Variants in CR1L observed in about 807,000 individuals in gnomAD.
CR1L encodes complement C3b/C4b receptor 1 like, also known as complement component receptor 1-like protein.
In CR1L, 59 loss-of-function variants were observed where a neutral mutation model predicts 62.3. That is an observed-to-expected ratio of 0.95 (90% confidence interval 0.77 to 1.18). The LOEUF is 1.18. CR1L is among the 50% of genes most tolerant of loss of function. The pLI is 0.00. For missense variants in CR1L, 700 were observed against 702.8 expected (o/e 1.00, Z 0.04); for synonymous variants, 279 against 248.7 (o/e 1.12, Z -1.15).
intron 4 of CR1L, among the ~76,000 whole-genome samples, chr1:207,693,180 C>T (rs1469661634): frequency 4.6e-5 from 7 of 152,154 alleles, no homozygotes; most frequent in Non-Finnish European, 5.9e-5. Flanking sequence ...TGCAGTGGCG[C>T]GATCTCGGCT....
At chr1:207,656,879 C>G (rs1453243375) in intron 1 of CR1L, among the ~76,000 whole-genome samples, 1 of 152,120 alleles carries the variant, frequency 6.6e-6, no homozygotes, top group Non-Finnish European at 1.5e-5. Context: ...GGACACAGAT[C>G]CAAACCATAT....
chr1:207,665,651 C>A (rs1037194335), intron 1 of CR1L, among the ~76,000 whole-genome samples: 5 of 152,122 alleles, frequency 3.3e-5, no homozygotes, highest in Non-Finnish European at 5.9e-5. Flanking sequence ...CCTCAGCCTC[C>A]AAAAATGCTG....
intron 10 of CR1L, 49 bp downstream of exon 10, chr1:207,708,312 T>A (rs758840354): frequency 6.3e-7 from 1 of 1,595,582 alleles, no homozygotes; most frequent in Non-Finnish European, 8.6e-7. Flanking sequence ...AACCCTAGAG[T>A]TGTCCTCCTA....
chr1:207,652,960 A>G (rs1414640610), intron 1 of CR1L: 1 of 273,100 alleles, frequency 3.7e-6, no homozygotes, highest in Non-Finnish European at 7.0e-6. Context: ...TGCCCTTATA[A>G]TAGGTAAAGA....
At chr1:207,704,605 C>G (rs947991638) in intron 9 of CR1L, among the ~76,000 whole-genome samples, 21 of 152,192 alleles carry the variant, frequency 1.4e-4, no homozygotes, top group Non-Finnish European at 2.9e-4. Context: ...CACAGCCACC[C>G]CAGCTTTCAG....
intron 11 of CR1L, among the ~76,000 whole-genome samples, chr1:207,719,276 T>TA (rs56207700): frequency 0.39 from 54,685 of 138,712 alleles, 10,859 homozygotes; most frequent in Admixed American, 0.51. Context: ...AAAAAAACAT[T>TA]AAAAAAAAAA....
rs374733263 is a variant in CR1L at position 207,648,223 on chromosome 1, AG to A, written c.97+2894del. 7.0e-3 allele frequency among the ~76,000 whole-genome samples: 906 copies of A among 129,020 alleles called. 5 individuals are homozygous for A. Among genetic ancestry groups the A allele is most frequent in the African/African-American group, 0.015 (456 of 30,306 alleles). The allele number at this position is 129,020 out of a possible 152,430, so 84.6% of individuals were successfully genotyped here. ...CACACACAGACACACACACACACAC[AG>A]AAAAAAAAAAAAAACCTGGAAGTTG... On this transcript the variant is annotated intron_variant, in intron 1 of 11. Coordinates refer to ENST00000508064, the MANE Select transcript of CR1L (RefSeq NM_175710.2).
chr1:207,669,600 C>T, intron 1 of CR1L: 1 of 1,266,990 alleles, frequency 7.9e-7, no homozygotes, highest in Non-Finnish European at 1.1e-6. Flanking sequence ...GGCGCCCGGG[C>T]TGACGAGGCA....
chr1:207,677,859 G>A (rs1300742851), intron 2 of CR1L, among the ~76,000 whole-genome samples: 2 of 152,202 alleles, frequency 1.3e-5, no homozygotes, highest in East Asian at 3.9e-4. Flanking sequence ...AATGACTTGG[G>A]ACAAGAAAGA....
rs1014139273 is a variant in CR1L at position 207,721,751 on chromosome 1, G to A, written c.1643-1867G>A. On this transcript the variant is annotated intron_variant, in intron 11 of 11. Transcript: ENST00000508064. ...CAAATGGTATTTCCAGTTCTAGATC[G>A]CTGAGGAATCGCCACACTGACATCC... 7.9e-5 allele frequency among the ~76,000 whole-genome samples: 12 copies of A among 151,166 alleles called. No individual in the cohort carries two copies. The South Asian group carries it at 1.0e-3, about 13-fold the overall frequency.
chr1:207,723,698 A>T lies in CR1L; in HGVS notation c.*13A>T, dbSNP rs1402087501. 6.6e-7 allele frequency: 1 copy of T among 1,516,608 alleles called. No homozygotes were observed. The highest frequency in any genetic ancestry group is 9.0e-7 in the Non-Finnish European group (1 of 1,105,926). 93.9% of individuals were successfully genotyped at this position (1,516,608 alleles called of 1,614,324 possible). A position where few individuals can be genotyped will look rare whatever the true frequency, so the allele number is the denominator to read the frequency against. On this transcript the variant is annotated 3_prime_UTR_variant, in exon 12 of 12. Coordinates refer to ENST00000508064, the MANE Select transcript of CR1L (RefSeq NM_175710.2). ...CTGTCATCTTTAACAGTAAGTACCT[A>T]CTTATAATGAATGCAATGTAGAAAG...
At position 207,700,375 on chromosome 1, in the gene CR1L, T is replaced by C. The variant is rs553628907; in HGVS notation, c.1228+1101T>C. Among the ~76,000 whole-genome samples the C allele has an allele frequency of 2.6e-5, 4 of 152,334 alleles. No individual in the cohort carries two copies. In the South Asian group the frequency reaches 8.3e-4, roughly 32 times the overall value. On this transcript the variant is annotated intron_variant, in intron 8 of 11. Coordinates refer to ENST00000508064, the MANE Select transcript of CR1L (RefSeq NM_175710.2). The stretch of plus-strand genomic sequence containing the variant: ...GCTCATTGATTGGACTACTCAAGCT[T>C]TCTCTTATTTTTCATAACTCTGGTA...
In CR1L at chr1:207,699,124, A is replaced by T; in HGVS notation, c.1143-65A>T. On this transcript the variant is annotated intron_variant, in intron 7 of 11. Transcript: ENST00000508064. ...AATCCTGAAATTGGGGCTGGGCCTT[A>T]GATTGTGAACTAAGTGTCCTCTTGG... is the stretch of plus-strand genomic sequence containing the variant. 5.0e-6 allele frequency: 8 copies of T among 1,604,568 alleles called. No homozygotes were observed. The South Asian group carries it at 6.6e-5, about 13-fold the overall frequency.
intron 1 of CR1L, among the ~76,000 whole-genome samples, chr1:207,648,051 C>G (rs2102436382): frequency 6.6e-6 from 1 of 151,896 alleles, no homozygotes; most frequent in Middle Eastern, 3.4e-3. Context: ...GTGGTCCCAG[C>G]TACTTGGGAG....
At chr1:207,719,738 G>T (rs893327847) in intron 11 of CR1L, among the ~76,000 whole-genome samples, 1 of 150,930 alleles carries the variant, frequency 6.6e-6, no homozygotes, top group Non-Finnish European at 1.5e-5. Flanking sequence ...ACACACACAC[G>T]CACACACACA....
At chr1:207,675,427 GGAAGAATT>G (rs1329501651) in intron 1 of CR1L, among the ~76,000 whole-genome samples, 2 of 152,154 alleles carry the variant, frequency 1.3e-5, no homozygotes, top group Non-Finnish European at 2.9e-5. Flanking sequence ...AACACCTGGA[GGAAGAATT>G]GAAGTCATAG....
At chr1:207,660,367 C>T (rs1663390903) in intron 1 of CR1L, among the ~76,000 whole-genome samples, 1 of 152,254 alleles carries the variant, frequency 6.6e-6, no homozygotes. Flanking sequence ...GCAGCCTCCG[C>T]TGGTGATACC....
At chr1:207,660,091 A>G (rs1285381042) in intron 1 of CR1L, among the ~76,000 whole-genome samples, 1 of 152,262 alleles carries the variant, frequency 6.6e-6, no homozygotes, top group Admixed American at 6.5e-5. Flanking sequence ...CTCTGGGTGC[A>G]TGGCATATCT....
intron 1 of CR1L, among the ~76,000 whole-genome samples, chr1:207,648,814 G>T (rs759974508): frequency 6.6e-6 from 1 of 152,190 alleles, no homozygotes; most frequent in Non-Finnish European, 1.5e-5. Flanking sequence ...CACCTGCCAG[G>T]ATACCAGAAG....
Sources: allele counts gnomAD v4.1 joint callset (sites outside exome capture counted in the v4.1 genomes callset), GRCh38; gene constraint gnomAD v4.1.1; transcripts MANE v1.5; gene names NCBI Gene and HGNC (gene_info 2026-07-23, HGNC 2026-07-21).